Variants in BPI observed in about 807,000 individuals in gnomAD.
The protein encoded by BPI is bactericidal permeability increasing protein, also known as bactericidal permeability-increasing protein.
Under a neutral mutation model 57.6 loss-of-function variants are expected in BPI, and 48 were observed. The ratio of observed to expected loss-of-function variants is 0.83; its 90% CI spans 0.66 to 1.06. The LOEUF is 1.06. Among genes scored for constraint, BPI ranks in the 50% least tolerant of loss-of-function variants. BPI has a pLI of 0.00. For missense variants in BPI, 651 were observed against 609.7 expected, an observed-to-expected ratio of 1.07 and a Z score of -0.71; for synonymous variants, 237 against 238.2, an observed-to-expected ratio of 0.99 and a Z score of 0.05.
intron 12 of BPI, among the ~76,000 whole-genome samples, chr20:38,333,214 T>A (rs985475727): frequency 1.3e-5 from 2 of 152,176 alleles, no homozygotes; most frequent in Non-Finnish European, 2.9e-5. Context: ...GTGGCTTGAC[T>A]AAGTCCATAA....
At chr20:38,316,783 A>G (rs1261517667) in intron 5 of BPI, among the ~76,000 whole-genome samples, 1 of 152,154 alleles carries the variant, frequency 6.6e-6, no homozygotes, top group Non-Finnish European at 1.5e-5. Context: ...GGCTGTTCTT[A>G]GGGTCCTAAC....
chr20:38,310,731 C>A, intron 4 of BPI, 79 bp downstream of exon 4: 1 of 1,534,674 alleles, frequency 6.5e-7, no homozygotes, highest in Non-Finnish European at 8.9e-7. Flanking sequence ...TCCGAAAACA[C>A]ATCCAGAGTG....
rs2076663615 is a variant in BPI, at chr20:38,318,441, C to T, written c.629C>T (p.Ser210Phe). ...QVCEKVTNSVSSELQPYFQTL... is the reference protein window; with the variant it reads ...QVCEKVTNSVFSELQPYFQTL... The stretch of plus-strand genomic sequence containing the variant: ...TGCGAGAAAGTGACCAATTCTGTAT[C>T]CTCCGAGCTGCAACCTTATTTCCAG... The change falls in exon 6 of 15, where the codon TCC becomes TTC. Residue 210 changes from serine to phenylalanine, a missense_variant. Coordinates refer to ENST00000642449, the MANE Select transcript of BPI (RefSeq NM_001725.3). The T allele has an allele frequency of 6.2e-7, 1 of 1,613,898 alleles. No individual in the cohort carries two copies. Among genetic ancestry groups the T allele is most frequent in the Non-Finnish European group, 8.5e-7 (1 of 1,179,794 alleles).
chr20:38,334,372 G>A, intron 12 of BPI, 58 bp from the exon 13 acceptor site: 1 of 1,513,482 alleles, frequency 6.6e-7, no homozygotes, highest in South Asian at 1.1e-5. Flanking sequence ...GAGGACTGCT[G>A]GACCCGCAAG....
chr20:38,328,959 TC>T (rs1196901043), intron 11 of BPI, among the ~76,000 whole-genome samples: 35 of 152,088 alleles, frequency 2.3e-4, no homozygotes, highest in Non-Finnish European at 4.4e-4. Flanking sequence ...TGAGCCATGT[TC>T]CAGCCACTGT....
At chr20:38,318,591 G>A in intron 6 of BPI, 115 bp downstream of exon 6, 1 of 1,103,968 alleles carries the variant, frequency 9.1e-7, no homozygotes, top group Non-Finnish European at 1.4e-6. Context: ...GGCCTGGGTG[G>A]GAATGAGCAG....
intron 3 of BPI, 44 bp downstream of exon 3, chr20:38,309,102 T>C (rs764328966): frequency 2.5e-6 from 4 of 1,612,978 alleles, no homozygotes; most frequent in Non-Finnish European, 3.4e-6. Flanking sequence ...CTCTTGGTGA[T>C]ATTTGGACGG....
At chr20:38,318,117 G>C in intron 5 of BPI, 10 of 823,444 alleles carry the variant, frequency 1.2e-5, no homozygotes, top group South Asian at 5.6e-5. Flanking sequence ...AACAACAACA[G>C]CAACAAAAAA....
At chr20:38,323,211 A>C (rs1370728050) in intron 7 of BPI, among the ~76,000 whole-genome samples, 4 of 152,096 alleles carry the variant, frequency 2.6e-5, no homozygotes, top group Non-Finnish European at 1.5e-5. Flanking sequence ...GGGCCTTTAA[A>C]TTTTACATAA....
rs1454513030 is a variant in BPI at position 38,318,471 on chromosome 20, T to A, written c.659T>A (p.Leu220Gln). 2 of 1,613,222 alleles carry A rather than the reference T, an allele frequency of 1.2e-6. No individual in the cohort carries two copies. The highest frequency in any genetic ancestry group is 3.3e-5 in the Admixed American group (2 of 60,020). ...SSELQPYFQT[L>Q]PVMTKIDSVA... ...GAGCTGCAACCTTATTTCCAGACTC[T>A]GCCAGGTGAGGGCTGGATGAAGATC... The change falls in exon 6 of 15, where the codon CTG becomes CAG. Residue 220 changes from leucine (L) to glutamine (Q), a missense_variant. Leu to Gln is a moderately radical substitution (Grantham distance 113). Transcript: ENST00000642449.
Position 38,337,192 on chromosome 20 carries a change from A to G in BPI, c.*8A>G. ...GACGTTGTCTATAAATGAAGGCACC[A>G]GGGGTGCCGGGGGCTGTCAGCCACA... On this transcript the variant is annotated 3_prime_UTR_variant, in exon 15 of 15. Transcript: ENST00000642449. 6.3e-7 allele frequency: 1 copy of G among 1,586,112 alleles called. No homozygotes were observed. The highest frequency in any genetic ancestry group is 1.2e-5 in the South Asian group (1 of 86,436).
At chr20:38,317,938 A>G (rs939282792) in intron 5 of BPI, 1 of 985,370 alleles carries the variant, frequency 1.0e-6, no homozygotes, top group South Asian at 4.7e-5. Flanking sequence ...CTCTGGCCAT[A>G]CATACCAAAC....
chr20:38,326,481 C>G (rs1272820216), intron 10 of BPI, 49 bp downstream of exon 10: 4 of 1,550,516 alleles, frequency 2.6e-6, no homozygotes, highest in Non-Finnish European at 3.5e-6. Context: ...ACAGTCCCAA[C>G]AGCACTGTCT....
intron 7 of BPI, among the ~76,000 whole-genome samples, chr20:38,323,483 G>A (rs904789829): frequency 1.6e-4 from 24 of 152,126 alleles, no homozygotes; most frequent in African/African-American, 5.6e-4. Context: ...TGTTCTTTTC[G>A]TAGGGTTTCT....
intron 11 of BPI, among the ~76,000 whole-genome samples, chr20:38,328,949 T>C (rs946204945): frequency 8.5e-5 from 13 of 152,054 alleles, no homozygotes; most frequent in Non-Finnish European, 1.6e-4. Flanking sequence ...AAGGCTGCAG[T>C]GAGCCATGTT....
chr20:38,328,281 G>A (rs1196369338), intron 11 of BPI, among the ~76,000 whole-genome samples: 5 of 152,166 alleles, frequency 3.3e-5, no homozygotes, highest in Admixed American at 6.5e-5. Context: ...GGCCAGGCGC[G>A]GTGGCTCACG....
At chr20:38,336,883 T>C (rs2076770115) in intron 14 of BPI, among the ~76,000 whole-genome samples, 2 of 152,194 alleles carry the variant, frequency 1.3e-5, no homozygotes, top group South Asian at 4.2e-4. Flanking sequence ...GGACGACAAA[T>C]GAAGGCCTCT....
chr20:38,308,846 G>A (rs1440429404), intron 2 of BPI, 84 bp from the exon 3 acceptor site: 7 of 1,544,722 alleles, frequency 4.5e-6, no homozygotes, highest in Non-Finnish European at 8.9e-7. Flanking sequence ...TGGGGGACGA[G>A]TCTGCATTAA....
At position 38,320,095 on chromosome 20, in the gene BPI, T is replaced by G. The variant is rs569641067; in HGVS notation, c.665-88T>G. 87 of 1,151,284 alleles carry G rather than the reference T, an allele frequency of 7.6e-5. No individual in the cohort carries two copies. The African/African-American group carries it at 1.3e-3, about 17-fold the overall frequency. The allele number at this position is 1,151,284 out of a possible 1,614,324, so 71.3% of individuals were successfully genotyped here. On this transcript the variant is annotated intron_variant, in intron 6 of 14. Coordinates refer to ENST00000642449, the MANE Select transcript of BPI (RefSeq NM_001725.3). ...TGAAACTTGCACTGCAGCTCTTGAT[T>G]CAATTTTAGGGGATTCTGATCCTGC...
Sources: allele counts gnomAD v4.1 joint callset (sites outside exome capture counted in the v4.1 genomes callset), GRCh38; gene constraint gnomAD v4.1.1; transcripts MANE v1.5; gene names NCBI Gene and HGNC (gene_info 2026-07-23, HGNC 2026-07-21).